CACNB2: variants seen among roughly 807,000 people sequenced by gnomAD.
CACNB2 encodes the protein voltage-dependent L-type calcium channel subunit beta-2.
In CACNB2, 42 loss-of-function variants were observed where a neutral mutation model predicts 73.3. The observed-to-expected ratio is 0.57, with a 90% CI of 0.45 to 0.74. The LOEUF (loss-of-function observed/expected upper bound fraction) is 0.74, where lower values mean the gene tolerates loss of function less well. Among genes scored for constraint, CACNB2 ranks in the 30% least tolerant of loss-of-function variants. The pLI is 0.00. For missense variants in CACNB2, 940 were observed against 853.0 expected, an observed-to-expected ratio of 1.10 and a Z score of -1.27; for synonymous variants, 348 against 310.3, an observed-to-expected ratio of 1.12 and a Z score of -1.28.
At chr10:18,538,077 A>C in intron 12 of CACNB2, 103 bp from the exon 13 acceptor site, 1 of 1,071,254 alleles carries the variant, frequency 9.3e-7, no homozygotes. Context: ...AGGAGCAAGT[A>C]CAAAGGGGTG....
rs550651508 is a variant in CACNB2, at chr10:18,273,896, A to C, written c.213+122921A>C. Among the ~76,000 whole-genome samples, 8 of 152,310 alleles carry C rather than the reference A, an allele frequency of 5.3e-5. No homozygotes were observed. In the East Asian group the frequency reaches 9.6e-4, roughly 18 times the overall value. On this transcript the variant is annotated intron_variant, in intron 2 of 13. Transcript: ENST00000324631. ...TTCCTTTCAAGGTACAACTTTAACT[A>C]CTAGATCCAGTTCATACCGTTTGTT...
At chr10:18,280,958 G>T (rs1397068205) in intron 2 of CACNB2, among the ~76,000 whole-genome samples, 1 of 152,086 alleles carries the variant, frequency 6.6e-6, no homozygotes, top group African/African-American at 2.4e-5. Flanking sequence ...TACAAGGTAG[G>T]GGATCACTAA....
chr10:18,382,443 A>G (rs2043058749), intron 2 of CACNB2, among the ~76,000 whole-genome samples: 1 of 152,054 alleles, frequency 6.6e-6, no homozygotes, highest in African/African-American at 2.4e-5. Flanking sequence ...TTATATAGGT[A>G]AATGTGTGCC....
At chr10:18,488,390 A>T (rs1020888857) in intron 3 of CACNB2, among the ~76,000 whole-genome samples, 5 of 145,002 alleles carry the variant, frequency 3.4e-5, no homozygotes, top group African/African-American at 1.3e-4. Flanking sequence ...CAGGAGAATG[A>T]CGTGAACCTG....
chr10:18,536,360 G>C (rs1460916388), intron 12 of CACNB2, among the ~76,000 whole-genome samples, 164 bp downstream of exon 12: 1 of 143,832 alleles, frequency 7.0e-6, no homozygotes, highest in East Asian at 2.1e-4. Context: ...CCGGGCTCAA[G>C]TGATCCTATT....
At chr10:18,292,580 C>A (rs528886007) in intron 2 of CACNB2, among the ~76,000 whole-genome samples, 1 of 152,218 alleles carries the variant, frequency 6.6e-6, no homozygotes, top group Non-Finnish European at 1.5e-5. Flanking sequence ...CGCTTGAACC[C>A]AGGAGGTGGA....
chr10:18,375,364 T>C (rs909025825), intron 2 of CACNB2, among the ~76,000 whole-genome samples: 1 of 152,192 alleles, frequency 6.6e-6, no homozygotes, highest in Non-Finnish European at 1.5e-5. Flanking sequence ...AATGTGCTAA[T>C]GGGGATGAAG....
intron 2 of CACNB2, among the ~76,000 whole-genome samples, chr10:18,382,515 A>G (rs2043061601): frequency 6.6e-6 from 1 of 151,918 alleles, no homozygotes. Flanking sequence ...TGCATTAGCC[A>G]TTTTTCCTAA....
chr10:18,518,764 G>A, intron 8 of CACNB2, 146 bp from the exon 9 acceptor site: 1 of 719,032 alleles, frequency 1.4e-6, no homozygotes, highest in Non-Finnish European at 2.5e-6. Context: ...GAACTCAGAA[G>A]CAGAAAAATG....
chr10:18,154,994 A>G (rs1310463243), intron 2 of CACNB2, among the ~76,000 whole-genome samples: 1 of 152,222 alleles, frequency 6.6e-6, no homozygotes, highest in Non-Finnish European at 1.5e-5. Context: ...CAGCTCAAGC[A>G]GACCAATAGA....
intron 2 of CACNB2, among the ~76,000 whole-genome samples, chr10:18,299,618 G>A (rs1406444009): frequency 6.6e-6 from 1 of 152,126 alleles, no homozygotes; most frequent in African/African-American, 2.4e-5. Context: ...GGCTGAGGTG[G>A]GAGGATCAAT....
intron 2 of CACNB2, among the ~76,000 whole-genome samples, chr10:18,286,332 C>T (rs571488793): frequency 2.5e-4 from 38 of 151,764 alleles, no homozygotes; most frequent in Non-Finnish European, 4.6e-4. Flanking sequence ...CTGGCTAACA[C>T]GGTGAAACCC....
intron 2 of CACNB2, among the ~76,000 whole-genome samples, chr10:18,222,483 A>G (rs1263559656): frequency 6.6e-6 from 1 of 152,022 alleles, no homozygotes; most frequent in African/African-American, 2.4e-5. Context: ...GTTTGCTGAT[A>G]TTAAAGAGTT....
At chr10:18,479,719 C>T (rs1431511445) in intron 3 of CACNB2, among the ~76,000 whole-genome samples, 2 of 152,168 alleles carry the variant, frequency 1.3e-5, no homozygotes, top group African/African-American at 4.8e-5. Context: ...CTCTCTCGCT[C>T]TCACTCTCTC....
intron 3 of CACNB2, among the ~76,000 whole-genome samples, chr10:18,422,179 T>C (rs867902667): frequency 2.0e-5 from 3 of 152,314 alleles, no homozygotes; most frequent in Middle Eastern, 3.4e-3. Flanking sequence ...CTGCCTTAGG[T>C]TGGTTTACTA....
chr10:18,413,126 A>G (rs772412439), intron 3 of CACNB2, among the ~76,000 whole-genome samples: 1 of 152,114 alleles, frequency 6.6e-6, no homozygotes, highest in Non-Finnish European at 1.5e-5. Context: ...ACATGCCATC[A>G]CACCCAGGTA....
At chr10:18,538,442 T>G (rs923260217) in intron 13 of CACNB2, 77 bp downstream of exon 13, 34 of 1,326,298 alleles carry the variant, frequency 2.6e-5, no homozygotes, top group Non-Finnish European at 3.5e-5. Flanking sequence ...ACCTCTAGGA[T>G]CCAAGCCCAG....
At chr10:18,290,315 C>G (rs2039013637) in intron 2 of CACNB2, among the ~76,000 whole-genome samples, 1 of 151,926 alleles carries the variant, frequency 6.6e-6, no homozygotes, top group South Asian at 2.1e-4. Flanking sequence ...GCATGAGCCA[C>G]TGAGCCTGGC....
At chr10:18,240,658 C>G (rs1040343352) in intron 2 of CACNB2, among the ~76,000 whole-genome samples, 1 of 152,176 alleles carries the variant, frequency 6.6e-6, no homozygotes, top group African/African-American at 2.4e-5. Flanking sequence ...CCATTTCTGT[C>G]TAACTGGTTA....
Sources: gnomAD v4.1 joint callset for allele counts (sites outside exome capture counted in the v4.1 genomes callset) on GRCh38, gnomAD v4.1.1 for gene constraint, MANE v1.5 for transcripts, NCBI Gene and HGNC (gene_info 2026-07-23, HGNC 2026-07-21) for gene names.